The following LYRM1 variants were observed in gnomAD, a reference collection of about 807,000 sequenced individuals.
LYRM1 encodes LYR motif containing 1, also known as LYR motif-containing protein 1.
A neutral mutation model predicts 14.9 loss-of-function variants in LYRM1; 14 were observed. The ratio of observed to expected loss-of-function variants is 0.94; its 90% CI spans 0.62 to 1.47. The LOEUF (loss-of-function observed/expected upper bound fraction) is 1.47. LYRM1 is among the 40% of genes most tolerant of loss of function. LYRM1 has a pLI of 0.00. For synonymous variants in LYRM1, 43 were observed against 56.2 expected (o/e 0.77, Z 1.05); for missense variants, 153 against 149.9 (o/e 1.02, Z -0.11).
intron 1 of LYRM1, among the ~76,000 whole-genome samples, chr16:20,909,173 T>C (rs959277617): frequency 1.4e-4 from 21 of 152,142 alleles, no homozygotes; most frequent in African/African-American, 4.3e-4. Flanking sequence ...CTGTCAGCCT[T>C]TTCTTAGTGG....
At chr16:20,914,274 TCA>T (rs1317470170) in intron 1 of LYRM1, among the ~76,000 whole-genome samples, 2 of 137,608 alleles carry the variant, frequency 1.5e-5, no homozygotes, top group African/African-American at 2.6e-5. Context: ...TGTACAGTCG[TCA>T]CTTTTTTTTT....
At position 20,924,384 on chromosome 16, in the gene LYRM1, A is replaced by G. The variant is rs1834993173; in HGVS notation, c.*268A>G. 1 of 306,204 alleles carries G rather than the reference A, an allele frequency of 3.3e-6. No individual in the cohort carries two copies. Among genetic ancestry groups the G allele is most frequent in the Admixed American group, 4.7e-5 (1 of 21,176 alleles). The allele number at this position is 306,204 out of a possible 1,614,324, so 19.0% of individuals were successfully genotyped here. ...AAACAAGACCGAGGCCTGTAGAAGGAAAGCGGAAGGATGTAAGAGCTGTTC... is the reference window on the plus strand; with the variant it reads ...AAACAAGACCGAGGCCTGTAGAAGGGAAGCGGAAGGATGTAAGAGCTGTTC... On this transcript the variant is annotated 3_prime_UTR_variant, in exon 4 of 4. Coordinates refer to ENST00000567954, the MANE Select transcript of LYRM1 (RefSeq NM_001128302.3).
chr16:20,913,889 A>C (rs1346361367), intron 1 of LYRM1, among the ~76,000 whole-genome samples: 2 of 151,922 alleles, frequency 1.3e-5, no homozygotes, highest in Non-Finnish European at 2.9e-5. Context: ...GCTTACTGCA[A>C]GCTCCGCCTC....
intron 1 of LYRM1, among the ~76,000 whole-genome samples, chr16:20,908,631 T>G (rs1384741428): frequency 6.6e-6 from 1 of 152,236 alleles, no homozygotes; most frequent in African/African-American, 2.4e-5. Context: ...ACTTTTAATA[T>G]TTTTCTTACT....
chr16:20,909,453 A>G (rs1439721443), intron 1 of LYRM1, among the ~76,000 whole-genome samples: 1 of 152,224 alleles, frequency 6.6e-6, no homozygotes, highest in Non-Finnish European at 1.5e-5. Context: ...AGACTTCGTG[A>G]CCAGCTGAGA....
intron 3 of LYRM1, chr16:20,921,236 T>C (rs1401730572): frequency 1.3e-5 from 2 of 152,166 alleles, no homozygotes; most frequent in Middle Eastern, 3.1e-3. Context: ...ACTACAAGCA[T>C]GTGCCACCAC....
chr16:20,920,009 T>TTTCC, intron 2 of LYRM1, 113 bp from the exon 3 acceptor site: 1 of 574,480 alleles, frequency 1.7e-6, no homozygotes, highest in Non-Finnish European at 3.0e-6. Context: ...TCCAAATTAG[T>TTTCC]AACATTTCAT....
chr16:20,905,482 A>T (rs1006011282), intron 1 of LYRM1, among the ~76,000 whole-genome samples: 4 of 152,198 alleles, frequency 2.6e-5, no homozygotes, highest in African/African-American at 9.7e-5. Context: ...GGGCAAGAAC[A>T]TCTGGTTGCT....
rs781385910 is a variant in LYRM1 at position 20,915,565 on chromosome 16, GCAACACGA to G, written c.14_21del (p.Thr5ArgfsTer36). 1 of 1,613,866 alleles carries G rather than the reference GCAACACGA, an allele frequency of 6.2e-7. No homozygotes were observed. The highest frequency in any genetic ancestry group is 2.2e-5 in the East Asian group (1 of 44,870). ...TTTGGTGGGTCTGAAGATGACAACG[GCAACACGA>G]CAAGAAGTCCTTGGCCTCTACCGCA... On this transcript the variant is annotated frameshift_variant, in exon 2 of 4. Coordinates refer to ENST00000567954, the MANE Select transcript of LYRM1 (RefSeq NM_001128302.3). LOFTEE classifies it high-confidence loss of function.
At chr16:20,904,898 AG>A (rs1397741356) in intron 1 of LYRM1, among the ~76,000 whole-genome samples, 1 of 152,166 alleles carries the variant, frequency 6.6e-6, no homozygotes, top group Admixed American at 6.5e-5. Context: ...GAAGAAAAAT[AG>A]GAAGGGAAGC....
At chr16:20,904,034 C>T (rs1376736786) in intron 1 of LYRM1, among the ~76,000 whole-genome samples, 2 of 151,996 alleles carry the variant, frequency 1.3e-5, no homozygotes, top group Non-Finnish European at 2.9e-5. Context: ...GCCCCCCCAC[C>T]ACATCTCTTC....
intron 1 of LYRM1, among the ~76,000 whole-genome samples, chr16:20,903,067 T>G (rs1053616584): frequency 6.6e-6 from 1 of 152,234 alleles, no homozygotes; most frequent in Non-Finnish European, 1.5e-5. Context: ...GATAAAGCTC[T>G]TCTCTCTGAG....
At chr16:20,920,402 T>C (rs1178049676) in intron 3 of LYRM1, 188 bp downstream of exon 3, 4 of 590,608 alleles carry the variant, frequency 6.8e-6, no homozygotes, top group Non-Finnish European at 9.1e-6. Flanking sequence ...AATGAATGCA[T>C]GACGTATCCT....
chr16:20,907,259 C>T (rs1313823666), intron 1 of LYRM1, among the ~76,000 whole-genome samples: 1 of 152,214 alleles, frequency 6.6e-6, no homozygotes, highest in East Asian at 1.9e-4. Context: ...GCGCTTAAGA[C>T]CAGAAACAAA....
chr16:20,914,221 A>G (rs2082746634), intron 1 of LYRM1, among the ~76,000 whole-genome samples: 1 of 150,694 alleles, frequency 6.6e-6, no homozygotes, highest in Non-Finnish European at 1.5e-5. Flanking sequence ...CAACCTGACA[A>G]CCTCTGGGTG....
chr16:20,910,135 C>G (rs1191439055), intron 1 of LYRM1, among the ~76,000 whole-genome samples: 1 of 152,126 alleles, frequency 6.6e-6, no homozygotes, highest in East Asian at 1.9e-4. Flanking sequence ...GGAAAGCCTT[C>G]TAGAAAGAGA....
intron 1 of LYRM1, among the ~76,000 whole-genome samples, chr16:20,907,863 ACTGT>A (rs2082397818): frequency 6.6e-6 from 1 of 152,030 alleles, no homozygotes; most frequent in East Asian, 1.9e-4. Flanking sequence ...AGCACATATG[ACTGT>A]CTGAAATTCT....
At chr16:20,910,157 A>C (rs1300140079) in intron 1 of LYRM1, among the ~76,000 whole-genome samples, 3 of 152,230 alleles carry the variant, frequency 2.0e-5, no homozygotes, top group Non-Finnish European at 4.4e-5. Context: ...AACTGCATGG[A>C]TATGTGCCCC....
chr16:20,913,971 G>C (rs553214312), intron 1 of LYRM1, among the ~76,000 whole-genome samples: 2 of 152,106 alleles, frequency 1.3e-5, no homozygotes, highest in African/African-American at 4.8e-5. Flanking sequence ...ACAACGCCCA[G>C]CTAATTTTTT....
Sources: gnomAD v4.1 joint callset for allele counts (sites outside exome capture counted in the v4.1 genomes callset) on GRCh38, gnomAD v4.1.1 for gene constraint, MANE v1.5 for transcripts, NCBI Gene and HGNC (gene_info 2026-07-23, HGNC 2026-07-21) for gene names.